Variants in VAV3 observed in about 807,000 individuals in gnomAD.
The protein encoded by VAV3 is vav guanine nucleotide exchange factor 3.
A neutral mutation model predicts 131.2 loss-of-function variants in VAV3; 94 were observed. The observed-to-expected ratio is 0.72, with a 90% CI of 0.61 to 0.85. The LOEUF is 0.85. VAV3 is among the 40% of genes least tolerant of loss of function. The pLI is 0.00. For missense variants in VAV3, 939 were observed against 1,002.7 expected (o/e 0.94, Z 0.86); for synonymous variants, 349 against 342.0 (o/e 1.02, Z -0.22).
chr1:107,901,700 T>C (rs1337363249), intron 1 of VAV3, among the ~76,000 whole-genome samples: 2 of 152,230 alleles, frequency 1.3e-5, no homozygotes, highest in East Asian at 3.9e-4. Context: ...CCAACTACTA[T>C]GTTGTTGGGA....
chr1:107,767,087 T>C (rs917441555), intron 7 of VAV3, among the ~76,000 whole-genome samples: 2 of 152,230 alleles, frequency 1.3e-5, no homozygotes, highest in African/African-American at 4.8e-5. Flanking sequence ...GACACAAACA[T>C]GTAAATTTGT....
At chr1:107,815,896 G>C (rs925094935) in intron 2 of VAV3, among the ~76,000 whole-genome samples, 14 of 152,096 alleles carry the variant, frequency 9.2e-5, no homozygotes, top group African/African-American at 2.9e-4. Context: ...GAGGGGGCAT[G>C]GGGGGATGGT....
chr1:107,720,919 G>A (rs1053901531), intron 15 of VAV3, among the ~76,000 whole-genome samples: 1 of 152,188 alleles, frequency 6.6e-6, no homozygotes, highest in Non-Finnish European at 1.5e-5. Flanking sequence ...TGTCAGAGAA[G>A]ATAAGGTATG....
intron 1 of VAV3, among the ~76,000 whole-genome samples, chr1:107,913,625 C>A (rs1443212311): frequency 6.6e-6 from 1 of 152,084 alleles, no homozygotes; most frequent in Non-Finnish European, 1.5e-5. Flanking sequence ...TACATAAGTA[C>A]ACAAAATAAT....
chr1:107,596,223 G>C lies in VAV3; in HGVS notation c.2339C>G (p.Ala780Gly), dbSNP rs755673779. The C allele has an allele frequency of 2.1e-5, 34 of 1,612,624 alleles. No individual in the cohort carries two copies. The East Asian group carries it at 7.1e-4, about 34-fold the overall frequency. The change falls in exon 25 of 27, where the codon GCA (alanine) becomes GGA (glycine). Residue 780 changes from alanine (A) to glycine (G), a missense_variant. Ala to Gly is a moderately conservative substitution (Grantham distance 60). Transcript: ENST00000370056. ...ATTACAATACTTACAGCTGTTGCCTGCTCTATTACCCCTCTGTCCAGCTGA... is the reference window on the plus strand; with the variant it reads ...ATTACAATACTTACAGCTGTTGCCTCCTCTATTACCCCTCTGTCCAGCTGA... The part of the protein sequence containing the change: ...EHSAGQRGNR[A>G]GNSLLSPKVL...
At position 107,705,780 on chromosome 1, in the gene VAV3, C is replaced by A. The variant is rs72977667; in HGVS notation, c.1503-719G>T. ...CTTCACATCAATCCTAACTGCCTGGCACGAATAATATCACTAGTTTACAAA... is the reference window on the plus strand; with the variant it reads ...CTTCACATCAATCCTAACTGCCTGGAACGAATAATATCACTAGTTTACAAA... On this transcript the variant is annotated intron_variant, in intron 15 of 26. Transcript: ENST00000370056. Among the ~76,000 whole-genome samples, 846 of 152,220 alleles carry A rather than the reference C, an allele frequency of 5.6e-3. 10 individuals are homozygous for A. Among genetic ancestry groups the A allele is most frequent in the African/African-American group, 0.018 (746 of 41,536 alleles).
At chr1:107,886,462 G>T (rs1671043471) in intron 1 of VAV3, among the ~76,000 whole-genome samples, 1 of 152,194 alleles carries the variant, frequency 6.6e-6, no homozygotes, top group African/African-American at 2.4e-5. Flanking sequence ...CACTTATCTA[G>T]ACTTGTGTTC....
At chr1:107,630,871 T>C (rs1041319067) in intron 20 of VAV3, among the ~76,000 whole-genome samples, 2 of 152,190 alleles carry the variant, frequency 1.3e-5, no homozygotes, top group African/African-American at 4.8e-5. Flanking sequence ...GTTCAGAATT[T>C]TTTTAAAAAC....
chr1:107,577,877 A>G (rs1357176216), intron 25 of VAV3, among the ~76,000 whole-genome samples: 1 of 152,184 alleles, frequency 6.6e-6, no homozygotes, highest in African/African-American at 2.4e-5. Flanking sequence ...TACTTGTACC[A>G]TGGCCTAATC....
chr1:107,613,816 A>C (rs1271235499), intron 21 of VAV3, among the ~76,000 whole-genome samples: 4 of 152,084 alleles, frequency 2.6e-5, no homozygotes, highest in Admixed American at 2.6e-4. Flanking sequence ...ACAGCATTTG[A>C]ATTTTCATTG....
intron 1 of VAV3, among the ~76,000 whole-genome samples, chr1:107,959,705 T>C (rs1226811818): frequency 6.6e-6 from 1 of 151,978 alleles, no homozygotes; most frequent in Non-Finnish European, 1.5e-5. Flanking sequence ...TATCACCCAG[T>C]CTCATGATTT....
intron 11 of VAV3, among the ~76,000 whole-genome samples, chr1:107,756,198 G>C (rs1403236998): frequency 6.6e-6 from 1 of 152,010 alleles, no homozygotes; most frequent in Non-Finnish European, 1.5e-5. Flanking sequence ...TCATATTTGA[G>C]GAAACATTAG....
chr1:107,604,814 GA>G (rs1237999277), intron 22 of VAV3, among the ~76,000 whole-genome samples: 1 of 152,154 alleles, frequency 6.6e-6, no homozygotes, highest in Non-Finnish European at 1.5e-5. Flanking sequence ...TTATAATAAT[GA>G]AAAAGCAGCA....
intron 20 of VAV3, among the ~76,000 whole-genome samples, chr1:107,628,507 GA>G (rs1284433507): frequency 2.0e-5 from 3 of 152,132 alleles, no homozygotes; most frequent in Admixed American, 6.5e-5. Context: ...AGCATGACTA[GA>G]AATGCTTCCT....
At chr1:107,694,192 C>A (rs181004633) in intron 17 of VAV3, among the ~76,000 whole-genome samples, 23 of 152,302 alleles carry the variant, frequency 1.5e-4, no homozygotes, top group Admixed American at 2.6e-4. Flanking sequence ...AATTAGAGAA[C>A]AATTTAATTC....
intron 11 of VAV3, 45 bp from the exon 12 acceptor site, chr1:107,755,558 T>G (rs748831670): frequency 1.4e-6 from 2 of 1,389,412 alleles, no homozygotes; most frequent in Non-Finnish European, 2.0e-6. Flanking sequence ...ACACTAAGAT[T>G]AGAGATGCAA....
intron 2 of VAV3, among the ~76,000 whole-genome samples, chr1:107,821,572 G>C (rs555149148): frequency 3.3e-5 from 5 of 152,324 alleles, no homozygotes; most frequent in Middle Eastern, 3.4e-3. Context: ...GTGGGAGAAA[G>C]TGTGTGGCGT....
chr1:107,855,217 C>T (rs1430430839), intron 2 of VAV3, among the ~76,000 whole-genome samples: 1 of 152,144 alleles, frequency 6.6e-6, no homozygotes, highest in Non-Finnish European at 1.5e-5. Flanking sequence ...TGGTGAACAG[C>T]ATTCTACTGT....
chr1:107,854,715 A>T (rs980378166), intron 2 of VAV3, among the ~76,000 whole-genome samples: 2 of 152,128 alleles, frequency 1.3e-5, no homozygotes, highest in African/African-American at 4.8e-5. Flanking sequence ...TGACCTTGAG[A>T]CTATCTTTCC....
Sources: gnomAD v4.1 joint callset for allele counts (sites outside exome capture counted in the v4.1 genomes callset) on GRCh38, gnomAD v4.1.1 for gene constraint, MANE v1.5 for transcripts, NCBI Gene and HGNC (gene_info 2026-07-23, HGNC 2026-07-21) for gene names.